Variants in DNAAF19 observed in about 807,000 individuals in gnomAD.
The protein encoded by DNAAF19 is coiled-coil domain containing 103.
the DNAAF19 span, chr17:44,901,129 A>G: frequency 6.2e-7 from 1 of 1,608,566 alleles, no homozygotes; most frequent in Non-Finnish European, 8.5e-7. Context: ...GTGGCTTCCT[A>G]TGAGGAGTTC....
the DNAAF19 span, chr17:44,902,986 T>C: frequency 7.0e-7 from 1 of 1,430,440 alleles, no homozygotes; most frequent in Non-Finnish European, 9.1e-7. Flanking sequence ...CTCCAGTCCC[T>C]CAGTGTCTCG....
chr17:44,903,720 T>C, the DNAAF19 span: 1 of 1,445,402 alleles, frequency 6.9e-7, no homozygotes. Context: ...CCTGGCTGCA[T>C]AATCCTTTCC....
chr17:44,905,120 A>G, the DNAAF19 span: 1 of 1,403,166 alleles, frequency 7.1e-7, no homozygotes, highest in Non-Finnish European at 9.7e-7. Flanking sequence ...GTGTTTGTTA[A>G]ATGATACCAG....
the DNAAF19 span, among the ~76,000 whole-genome samples, chr17:44,900,114 C>A: frequency 2.4e-4 from 36 of 152,136 alleles, no homozygotes; most frequent in Non-Finnish European, 3.2e-4. Context: ...ACGACTAGAA[C>A]CCACGTAGAG....
chr17:44,902,587 C>T, the DNAAF19 span: 1 of 1,614,170 alleles, frequency 6.2e-7, no homozygotes, highest in Non-Finnish European at 8.5e-7. Context: ...GCTGGGGATC[C>T]TATGCAGCCT....
the DNAAF19 span, chr17:44,901,237 C>T: frequency 3.6e-6 from 5 of 1,404,988 alleles, no homozygotes; most frequent in African/African-American, 2.9e-5. Context: ...GTCCTGGCCC[C>T]ACCGTCTACT....
At chr17:44,899,758 C>T in the DNAAF19 span, 3 of 152,344 alleles carry the variant, frequency 2.0e-5, no homozygotes, top group African/African-American at 7.2e-5. Context: ...GCGGGGTTGC[C>T]CTCCTGTTCT....
chr17:44,903,600 C>T, the DNAAF19 span: 7 of 1,401,878 alleles, frequency 5.0e-6, no homozygotes, highest in Non-Finnish European at 5.5e-6. Flanking sequence ...AATGGCTTTC[C>T]CCCCCCACCC....
chr17:44,903,817 G>A, the DNAAF19 span: 4 of 1,545,502 alleles, frequency 2.6e-6, no homozygotes, highest in Non-Finnish European at 3.5e-6. Flanking sequence ...TCTGACCCCT[G>A]CCTCCTTCAG....
At chr17:44,903,559 T>C in the DNAAF19 span, 2 of 1,376,856 alleles carry the variant, frequency 1.5e-6, no homozygotes, top group Non-Finnish European at 1.9e-6. Context: ...GCGCCAGTGT[T>C]CTAGAAAGGG....
At chr17:44,902,415 G>A in the DNAAF19 span, 2 of 1,614,208 alleles carry the variant, frequency 1.2e-6, no homozygotes, top group Non-Finnish European at 1.7e-6. Flanking sequence ...ATCGTGATTG[G>A]CGACGACACT....
the DNAAF19 span, chr17:44,904,354 G>A: frequency 6.5e-7 from 1 of 1,542,802 alleles, no homozygotes. Context: ...TCTGGGAATG[G>A]ACCCCCTGTG....
chr17:44,901,518 AGG>A, the DNAAF19 span: 1 of 1,614,048 alleles, frequency 6.2e-7, no homozygotes, highest in Non-Finnish European at 8.5e-7. Flanking sequence ...CTTTGCCTAC[AGG>A]GGTATTGTCC....
At chr17:44,901,489 C>T in the DNAAF19 span, 1 of 1,613,342 alleles carries the variant, frequency 6.2e-7, no homozygotes, top group Non-Finnish European at 8.5e-7. Context: ...AGCATTAAGT[C>T]CATTGCCTAA....
chr17:44,901,474 G>A, the DNAAF19 span: 10 of 1,610,256 alleles, frequency 6.2e-6, no homozygotes, highest in African/African-American at 2.7e-5. Context: ...CACACCCACA[G>A]ACACAGCATT....
At chr17:44,903,017 C>G in the DNAAF19 span, 7 of 1,418,272 alleles carry the variant, frequency 4.9e-6, no homozygotes, top group African/African-American at 5.8e-5. Flanking sequence ...CTGTGTGTAT[C>G]CATGGACAGT....
chr17:44,904,204 C>T, the DNAAF19 span: 25 of 1,550,508 alleles, frequency 1.6e-5, no homozygotes, highest in South Asian at 4.8e-5. Flanking sequence ...TGTACTTCTG[C>T]GGCACCCGCA....
At chr17:44,901,240 C>G in the DNAAF19 span, 301 of 1,387,664 alleles carry the variant, frequency 2.2e-4, 2 homozygotes, top group Middle Eastern at 2.0e-3. Flanking sequence ...CTGGCCCCAC[C>G]GTCTACTGTT....
At chr17:44,901,180 G>A in the DNAAF19 span, 1 of 1,595,184 alleles carries the variant, frequency 6.3e-7, no homozygotes, top group Non-Finnish European at 8.5e-7. Flanking sequence ...CTCCTGTTAT[G>A]GTGGATTATA....
Sources: gnomAD v4.1 joint callset for allele counts (sites outside exome capture counted in the v4.1 genomes callset) on GRCh38, gnomAD v4.1.1 for gene constraint, MANE v1.5 for transcripts, NCBI Gene and HGNC (gene_info 2026-07-23, HGNC 2026-07-21) for gene names.